MANSC4: variants seen among roughly 807,000 people sequenced by gnomAD.
The protein encoded by MANSC4 is MANSC domain containing 4, also known as MANSC domain-containing protein 4.
In MANSC4, 11 loss-of-function variants were observed where a neutral mutation model predicts 11.4. That is an observed-to-expected ratio of 0.97 (90% CI 0.61 to 1.60). The LOEUF (loss-of-function observed/expected upper bound fraction) is 1.60, where lower values mean the gene tolerates loss of function less well. Among genes scored for constraint, MANSC4 ranks in the 40% most tolerant of loss-of-function variants. The probability of loss-of-function intolerance (pLI) is 0.00; values close to 1 mark genes in which losing one functional copy is unlikely to be tolerated. For synonymous variants in MANSC4, 123 were observed against 147.1 expected, an observed-to-expected ratio of 0.84 and a Z score of 1.19; for missense variants, 354 against 404.6, an observed-to-expected ratio of 0.88 and a Z score of 1.07.
rs2062138188 is a variant in MANSC4, at chr12:27,780,120, A to G, written c.-307+90T>C. On this transcript the variant is annotated intron_variant, in intron 1 of 3. Coordinates refer to ENST00000381273, the MANE Select transcript of MANSC4 (RefSeq NM_001146221.5). This position sits in a 1 kb window ranked among gnomAD's most constrained non-coding sequence, Gnocchi z 8.8. ...GCCGGCCCTTTTTTGGCGCTGAGGG[A>G]AAGGAGAAGGGCAGGGCCGCCGCCT... 5.2e-6 allele frequency: 1 copy of G among 192,656 alleles called. No homozygotes were observed. Among genetic ancestry groups the G allele is most frequent in the Non-Finnish European group, 1.0e-5 (1 of 97,506 alleles). 11.9% of individuals were successfully genotyped at this position (192,656 alleles called of 1,614,324 possible).
At chr12:27,763,664 A>G (rs1051440837) in intron 3 of MANSC4, among the ~76,000 whole-genome samples, 1 of 152,100 alleles carries the variant, frequency 6.6e-6, no homozygotes, top group African/African-American at 2.4e-5. Flanking sequence ...GTTTTTGTAC[A>G]ATAGCGAGTG....
At chr12:27,778,562 T>C (rs1175681126) in intron 1 of MANSC4, among the ~76,000 whole-genome samples, 1 of 150,366 alleles carries the variant, frequency 6.7e-6, no homozygotes, top group South Asian at 2.1e-4. Context: ...AAGCTTGTAA[T>C]AATAAAAAAA....
At chr12:27,765,806 A>G (rs1364946036) in intron 3 of MANSC4, among the ~76,000 whole-genome samples, 2 of 152,192 alleles carry the variant, frequency 1.3e-5, no homozygotes, top group Non-Finnish European at 2.9e-5. Flanking sequence ...TCTCCTTTGC[A>G]TTTTGATGGC....
In MANSC4 at chr12:27,772,697, C is replaced by A. The variant is rs1050525278; in HGVS notation, c.-306-1115G>T. ...ACAGAAAGCAAATTTCAGTTGCTCA[C>A]CTGCAAAGACTCAGACATTTCCATC... On this transcript the variant is annotated intron_variant, in intron 1 of 3. Coordinates refer to ENST00000381273, the MANE Select transcript of MANSC4 (RefSeq NM_001146221.5). 2.0e-5 allele frequency among the ~76,000 whole-genome samples: 3 copies of A among 152,248 alleles called. No individual in the cohort carries two copies. In the East Asian group the frequency reaches 5.8e-4, roughly 29 times the overall value.
chr12:27,775,828 G>C (rs539036346), intron 1 of MANSC4, among the ~76,000 whole-genome samples: 5 of 150,064 alleles, frequency 3.3e-5, no homozygotes, highest in Non-Finnish European at 5.9e-5. Flanking sequence ...GGTGGCTCAC[G>C]CCTGTAATCC....
chr12:27,773,688 G>A (rs889443459), intron 1 of MANSC4, among the ~76,000 whole-genome samples: 1 of 152,182 alleles, frequency 6.6e-6, no homozygotes, highest in Non-Finnish European at 1.5e-5. Flanking sequence ...AGATGTTTGG[G>A]AAACACTGAT....
rs1300340393 is a variant in MANSC4 at position 27,766,814 on chromosome 12, A to T, written c.230-15T>A. 7.7e-6 allele frequency: 12 copies of T among 1,550,072 alleles called. No individual in the cohort carries two copies. Among genetic ancestry groups the T allele is most frequent in the Non-Finnish European group, 1.0e-5 (12 of 1,146,462 alleles). ...GTTACAGGAAACTGAAAGGGAAACA[A>T]GCGAAGTACATCTGCAGATGGTCTC... is the stretch of plus-strand genomic sequence containing the variant. On this transcript the variant is annotated splice_polypyrimidine_tract_variant and intron_variant, in intron 2 of 3. Coordinates refer to ENST00000381273, the MANE Select transcript of MANSC4 (RefSeq NM_001146221.5).
Position 27,762,644 on chromosome 12 carries a change from C to G in MANSC4, c.*94G>C. ...GGGATTACAGGCATGAACCACCACG[C>G]CCAGCCTATTTTTTTTTTTTAACCA... On this transcript the variant is annotated 3_prime_UTR_variant, in exon 4 of 4. Transcript: ENST00000381273. 1 of 1,227,228 alleles carries G rather than the reference C, an allele frequency of 8.1e-7. No homozygotes were observed. The highest frequency in any genetic ancestry group is 2.6e-5 in the East Asian group (1 of 38,552). 76.0% of individuals were successfully genotyped at this position (1,227,228 alleles called of 1,614,324 possible). A position where few individuals can be genotyped will look rare whatever the true frequency, so the allele number is the denominator to read the frequency against.
rs369724222 is a variant in MANSC4, at chr12:27,778,759, C to A, written c.-307+1451G>T. Among the ~76,000 whole-genome samples the A allele has an allele frequency of 1.2e-4, 19 of 152,268 alleles. No homozygotes were observed. The East Asian group carries it at 3.3e-3, about 26-fold the overall frequency. On this transcript the variant is annotated intron_variant, in intron 1 of 3. Transcript: ENST00000381273. Reference sequence around the variant, plus strand: ...AAGATAATCCAAACAATATATTTCTCCCCCCACCCCCTTCCTGGGATGAAT... The same window carrying A: ...AAGATAATCCAAACAATATATTTCTACCCCCACCCCCTTCCTGGGATGAAT...
intron 1 of MANSC4, chr12:27,779,820 G>C (rs1156412127): frequency 6.6e-6 from 1 of 151,896 alleles, no homozygotes; most frequent in Non-Finnish European, 1.5e-5. Flanking sequence ...CCCAACAAGC[G>C]GCGGAGCCGG....
intron 1 of MANSC4, among the ~76,000 whole-genome samples, chr12:27,775,024 A>AAAAT (rs71039849): frequency 0.13 from 14,979 of 112,236 alleles, 829 homozygotes; most frequent in South Asian, 0.23. Context: ...ATTCCGTCTC[A>AAAAT]AAATAAATAA....
At chr12:27,767,892 A>G (rs528811840) in intron 2 of MANSC4, among the ~76,000 whole-genome samples, 1 of 152,302 alleles carries the variant, frequency 6.6e-6, no homozygotes, top group East Asian at 1.9e-4. Context: ...CAGATGGTGG[A>G]AAGGCCACAG....
intron 1 of MANSC4, among the ~76,000 whole-genome samples, chr12:27,773,692 C>T (rs1312292506): frequency 1.3e-5 from 2 of 152,186 alleles, no homozygotes; most frequent in African/African-American, 4.8e-5. Context: ...GTTTGGGAAA[C>T]ACTGATATAG....
In MANSC4 at chr12:27,776,068, C is replaced by A. The variant is rs1342349828; in HGVS notation, c.-307+4142G>T. ...TCACACCACTGCACTCCAGCCTGGG[C>A]AACAAGAGCGAGACTGTCTCAAAAA... On this transcript the variant is annotated intron_variant, in intron 1 of 3. Transcript: ENST00000381273. 1.2e-4 allele frequency among the ~76,000 whole-genome samples: 14 copies of A among 117,658 alleles called. No homozygotes were observed. In the East Asian group the frequency reaches 2.8e-3, roughly 24 times the overall value. The allele number at this position is 117,658 out of a possible 152,430, so 77.2% of individuals were successfully genotyped here.
At chr12:27,764,645 A>G (rs1449244970) in intron 3 of MANSC4, among the ~76,000 whole-genome samples, 4 of 152,102 alleles carry the variant, frequency 2.6e-5, no homozygotes, top group African/African-American at 9.7e-5. Context: ...CACTACATCA[A>G]TGGTATTGAA....
Position 27,765,703 on chromosome 12 carries a change from T to C in MANSC4, c.364+962A>G, listed in dbSNP as rs563945028. On this transcript the variant is annotated intron_variant, in intron 3 of 3. Transcript: ENST00000381273. ...CACATCATCTAGATTATAAAGGAAA[T>C]TGAGAGCAGAGATATGGCTGCGATC... Among the ~76,000 whole-genome samples the C allele has an allele frequency of 1.8e-4, 27 of 152,270 alleles. No homozygotes were observed. In the East Asian group the frequency reaches 5.2e-3, roughly 29 times the overall value.
At position 27,763,848 on chromosome 12, in the gene MANSC4, A is replaced by G. The variant is rs117985289; in HGVS notation, c.365-452T>C. On this transcript the variant is annotated intron_variant, in intron 3 of 3. Coordinates refer to ENST00000381273, the MANE Select transcript of MANSC4 (RefSeq NM_001146221.5). Reference sequence around the variant, plus strand: ...CAGGTTCAAACAATCCTCTCACCTCAGTCTCCTGAGTAGCTGGGATTACAG... The same window carrying G: ...CAGGTTCAAACAATCCTCTCACCTCGGTCTCCTGAGTAGCTGGGATTACAG... 6.1e-3 allele frequency among the ~76,000 whole-genome samples: 922 copies of G among 152,156 alleles called. 5 individuals are homozygous for G. Among genetic ancestry groups the G allele is most frequent in the Non-Finnish European group, 8.3e-3 (565 of 68,010 alleles).
rs2062055154 is a variant in MANSC4 at position 27,763,100 on chromosome 12, T to G, written c.661A>C (p.Thr221Pro). 6.4e-7 allele frequency: 1 copy of G among 1,551,624 alleles called. No homozygotes were observed. The change falls in exon 4 of 4, where the codon ACT becomes CCT. Residue 221 changes from threonine to proline, a missense_variant. Coordinates refer to ENST00000381273, the MANE Select transcript of MANSC4 (RefSeq NM_001146221.5). ...TTKINKVSPS[T>P]DFISNPDNKT... ...TTATCTGGATTGCTGATGAAATCAG[T>G]ACTTGGTGACACCTTATTTATCTTT... is the stretch of plus-strand genomic sequence containing the variant.
In MANSC4 at chr12:27,767,850, G is replaced by A. The variant is rs145283097; in HGVS notation, c.230-1051C>T. ...GCTGTAAAGAAGAAGAGGGAGTAGT[G>A]GGAAGGGCAAAAGAGTAATAACTGA... is the stretch of plus-strand genomic sequence containing the variant. On this transcript the variant is annotated intron_variant, in intron 2 of 3. Transcript: ENST00000381273. Among the ~76,000 whole-genome samples the A allele has an allele frequency of 5.6e-3, 847 of 152,324 alleles. 7 individuals are homozygous for A. The highest frequency in any genetic ancestry group is 0.018 in the African/African-American group (763 of 41,568).
Sources: gnomAD v4.1 joint callset for allele counts (sites outside exome capture counted in the v4.1 genomes callset) on GRCh38, gnomAD v4.1.1 for gene constraint, Gnocchi (gnomAD v3.1) non-coding constraint, MANE v1.5 for transcripts, NCBI Gene and HGNC (gene_info 2026-07-23, HGNC 2026-07-21) for gene names.